Variants in CDH18 observed in about 807,000 individuals in gnomAD.
CDH18 encodes the protein cadherin 18.
Under a neutral mutation model 67.9 loss-of-function variants are expected in CDH18, and 31 were observed. The ratio of observed to expected loss-of-function variants is 0.46; its 90% CI spans 0.34 to 0.62. CDH18 has a LOEUF of 0.62. Among genes scored for constraint, CDH18 ranks in the 20% least tolerant of loss-of-function variants. The probability of loss-of-function intolerance (pLI) is 0.01; values close to 1 mark genes in which losing one functional copy is unlikely to be tolerated. For synonymous variants in CDH18, 362 were observed against 347.2 expected, an observed-to-expected ratio of 1.04 and a Z score of -0.48; for missense variants, 890 against 975.5, an observed-to-expected ratio of 0.91 and a Z score of 1.17.
chr5:19,780,349 C>T (rs977170157), intron 3 of CDH18, among the ~76,000 whole-genome samples: 1 of 152,226 alleles, frequency 6.6e-6, no homozygotes, highest in Non-Finnish European at 1.5e-5. Flanking sequence ...ATGCCAGTAT[C>T]TTTCCTGACA....
intron 11 of CDH18, among the ~76,000 whole-genome samples, chr5:19,486,465 T>A (rs1317810740): frequency 6.6e-6 from 1 of 151,916 alleles, no homozygotes; most frequent in Non-Finnish European, 1.5e-5. Context: ...ACAAGACCCA[T>A]AACAAATCTC....
intron 2 of CDH18, among the ~76,000 whole-genome samples, chr5:19,977,441 T>TTGTCCATC (rs1244404135): frequency 1.3e-5 from 2 of 152,172 alleles, no homozygotes; most frequent in Admixed American, 1.3e-4. Flanking sequence ...GATGGACAAT[T>TTGTCCATC]TGTGCCAGTA....
At chr5:20,383,459 T>C (rs1490340008) in intron 1 of CDH18, among the ~76,000 whole-genome samples, 1 of 152,166 alleles carries the variant, frequency 6.6e-6, no homozygotes, top group Non-Finnish European at 1.5e-5. Context: ...CATTTGCAAA[T>C]TGCTAAAGAG....
intron 10 of CDH18, among the ~76,000 whole-genome samples, chr5:19,505,001 T>C (rs1323365294): frequency 6.6e-6 from 1 of 152,162 alleles, no homozygotes. Flanking sequence ...AATATGAGCT[T>C]ATTATACCTG....
intron 1 of CDH18, among the ~76,000 whole-genome samples, chr5:20,392,869 A>G (rs906196040): frequency 1.3e-5 from 2 of 151,906 alleles, no homozygotes; most frequent in African/African-American, 4.8e-5. Flanking sequence ...CTGATCTCAC[A>G]TTCCATTTAC....
At chr5:19,763,742 C>G (rs928950672) in intron 3 of CDH18, among the ~76,000 whole-genome samples, 3 of 151,874 alleles carry the variant, frequency 2.0e-5, no homozygotes, top group African/African-American at 7.3e-5. Context: ...AGTTTAGAAG[C>G]CTGTAATACC....
intron 1 of CDH18, among the ~76,000 whole-genome samples, chr5:20,275,163 C>T (rs941944470): frequency 2.6e-5 from 4 of 152,038 alleles, no homozygotes; most frequent in East Asian, 1.9e-4. Flanking sequence ...TGATATGATT[C>T]GGCTTTGTGT....
At chr5:20,069,408 T>TTTAC (rs72357614) in intron 2 of CDH18, among the ~76,000 whole-genome samples, 1 of 2,938 alleles carries the variant, frequency 3.4e-4, no homozygotes, top group Non-Finnish European at 0.019. Context: ...TTTTATTATT[T>TTTAC]TTATTTATTT....
intron 1 of CDH18, among the ~76,000 whole-genome samples, chr5:20,435,529 C>T (rs1231626152): frequency 6.6e-6 from 1 of 151,966 alleles, no homozygotes; most frequent in Non-Finnish European, 1.5e-5. Context: ...GTGGGTAAGG[C>T]AGGTCCTACA....
chr5:20,321,391 T>C (rs73763353), intron 1 of CDH18, among the ~76,000 whole-genome samples: 8,161 of 152,086 alleles, frequency 0.054, 696 homozygotes, highest in African/African-American at 0.18. Flanking sequence ...TGAGAATTAG[T>C]ATCTATTGTT....
At chr5:19,535,566 T>C (rs1031005607) in intron 9 of CDH18, among the ~76,000 whole-genome samples, 3 of 152,176 alleles carry the variant, frequency 2.0e-5, no homozygotes, top group Non-Finnish European at 4.4e-5. Flanking sequence ...AACACTAAAT[T>C]TCATTTCTAT....
chr5:19,625,159 G>T (rs1248868820), intron 5 of CDH18, among the ~76,000 whole-genome samples: 1 of 151,988 alleles, frequency 6.6e-6, no homozygotes, highest in Non-Finnish European at 1.5e-5. Context: ...GGTAATTGCT[G>T]TCCTCATACC....
intron 12 of CDH18, among the ~76,000 whole-genome samples, chr5:19,477,586 G>A (rs1176790539): frequency 1.3e-5 from 2 of 151,842 alleles, no homozygotes; most frequent in East Asian, 1.9e-4. Context: ...CAAATGAAAT[G>A]TTTCCAAAAA....
intron 3 of CDH18, among the ~76,000 whole-genome samples, chr5:19,824,839 C>T (rs1254656464): frequency 6.6e-6 from 1 of 152,170 alleles, no homozygotes; most frequent in Non-Finnish European, 1.5e-5. Flanking sequence ...CTTGCTAGAG[C>T]TTCTGGCCCA....
chr5:20,241,867 A>T (rs1238594428), intron 2 of CDH18, among the ~76,000 whole-genome samples: 71 of 111,588 alleles, frequency 6.4e-4, no homozygotes, highest in Middle Eastern at 8.8e-3. Context: ...AAAAAAAAAT[A>T]AAATAAAATA....
intron 5 of CDH18, among the ~76,000 whole-genome samples, chr5:19,657,018 G>A (rs1382906061): frequency 3.9e-5 from 6 of 151,964 alleles, no homozygotes; most frequent in Non-Finnish European, 7.4e-5. Flanking sequence ...ATATTGTGAG[G>A]TTTGGTGAAA....
intron 2 of CDH18, among the ~76,000 whole-genome samples, chr5:20,070,098 T>C (rs1415880302): frequency 2.0e-5 from 3 of 152,210 alleles, no homozygotes; most frequent in African/African-American, 7.2e-5. Flanking sequence ...TAGTGGCAAC[T>C]ACTGATGTTT....
In CDH18 at chr5:20,475,334, A is replaced by T. The variant is rs577641371; in HGVS notation, c.-580+100128T>A. On this transcript the variant is annotated intron_variant, in intron 1 of 14. Transcript: ENST00000507958. ...TAAGCAGTACAGTGAAATGAGAAAA[A>T]TCACTAAATAAAATGACCCTGGAGA... Among the ~76,000 whole-genome samples the T allele has an allele frequency of 2.6e-5, 4 of 152,246 alleles. No homozygotes were observed. The South Asian group carries it at 8.3e-4, about 32-fold the overall frequency.
At chr5:19,607,588 G>C (rs1258574360) in intron 6 of CDH18, among the ~76,000 whole-genome samples, 1 of 151,156 alleles carries the variant, frequency 6.6e-6, no homozygotes, top group Non-Finnish European at 1.5e-5. Context: ...GAGAAGAAAA[G>C]ATTAGCCAAA....
Sources: gnomAD v4.1 joint callset for allele counts (sites outside exome capture counted in the v4.1 genomes callset) on GRCh38, gnomAD v4.1.1 for gene constraint, MANE v1.5 for transcripts, NCBI Gene and HGNC (gene_info 2026-07-23, HGNC 2026-07-21) for gene names.